TYK2: variants seen among roughly 807,000 people sequenced by gnomAD.
The protein encoded by TYK2 is non-receptor tyrosine-protein kinase TYK2.
Under a neutral mutation model 130.9 loss-of-function variants are expected in TYK2, and 65 were observed. That is an observed-to-expected ratio of 0.50 (90% CI 0.41 to 0.61). TYK2 has a LOEUF of 0.61. Among genes scored for constraint, TYK2 ranks in the 20% least tolerant of loss-of-function variants. TYK2 has a pLI of 0.00. For synonymous variants in TYK2, 647 were observed against 658.9 expected, an observed-to-expected ratio of 0.98 and a Z score of 0.28; for missense variants, 1,378 against 1,610.7, an observed-to-expected ratio of 0.86 and a Z score of 2.47.
At chr19:10,368,547 C>T (rs1405157136) in intron 3 of TYK2, 129 bp from the exon 4 acceptor site, 5 of 1,403,626 alleles carry the variant, frequency 3.6e-6, no homozygotes, top group Non-Finnish European at 4.9e-6. Flanking sequence ...GCTTCAGTCT[C>T]ACGTTGCCCC....
Position 10,368,221 on chromosome 19 carries a change from C to T in TYK2, c.318-19G>A, listed in dbSNP as rs765963885. 2.3e-5 allele frequency: 37 copies of T among 1,614,024 alleles called. No individual in the cohort carries two copies. Among genetic ancestry groups the T allele is most frequent in the Non-Finnish European group, 3.0e-5 (35 of 1,180,032 alleles). On this transcript the variant is annotated intron_variant, in intron 4 of 24. Coordinates refer to ENST00000525621, the MANE Select transcript of TYK2 (RefSeq NM_003331.5). ...ATAAAACCTGCAGGAAGGAGGGACG[C>T]AGCTGGGGCTTAGCACAGAGTCAGA...
Position 10,352,490 on chromosome 19 carries a change from C to T in TYK2, c.3262G>A (p.Gly1088Arg), listed in dbSNP as rs748066182. 6.2e-7 allele frequency: 1 copy of T among 1,606,388 alleles called. No individual in the cohort carries two copies. The highest frequency in any genetic ancestry group is 8.5e-7 in the Non-Finnish European group (1 of 1,175,554). The change falls in exon 23 of 25, where the codon GGG (glycine) becomes AGG (arginine). Residue 1088 changes from glycine to arginine, a missense_variant. By Grantham distance (125) the Gly-to-Arg change is moderately radical (BLOSUM62 -2). Coordinates refer to ENST00000525621, the MANE Select transcript of TYK2 (RefSeq NM_003331.5). ...GTCAGCAGCTCATACAGGGTCACCC[C>T]GAAGGACCAGACATCTGACGCATAG... The part of the protein sequence containing the change: ...FYYASDVWSF[G>R]VTLYELLTHC...
chr19:10,369,373 T>G (rs1237640065), intron 3 of TYK2, among the ~76,000 whole-genome samples: 1 of 151,938 alleles, frequency 6.6e-6, no homozygotes, highest in Non-Finnish European at 1.5e-5. Flanking sequence ...CCTTTTTTTT[T>G]TAAGGGTCAG....
intron 18 of TYK2, among the ~76,000 whole-genome samples, chr19:10,355,781 G>A (rs1475935207): frequency 6.6e-6 from 1 of 150,784 alleles, no homozygotes; most frequent in Non-Finnish European, 1.5e-5. Flanking sequence ...GGCCAACATG[G>A]TGAATTCCCG....
Position 10,356,680 on chromosome 19 carries a change from C to T in TYK2, c.2505G>A (p.Glu835=). Residue 835 remains glutamate, a synonymous_variant, in exon 18 of 25, where the codon GAG becomes GAA. Transcript: ENST00000525621. The stretch of plus-strand genomic sequence containing the variant: ...GTGTGGCCAGCTGTGGGCAGGAGGG[C>T]TCGGGCAGCCGGTGCTGCCTCTGGT... ...HFYQRQHRLP[E]PSCPQLATLT... is the part of the protein sequence containing the mutation. The T allele has an allele frequency of 1.2e-6, 2 of 1,611,400 alleles. No individual in the cohort carries two copies. Among genetic ancestry groups the T allele is most frequent in the East Asian group, 2.2e-5 (1 of 44,826 alleles).
At chr19:10,379,594 G>A (rs980648335) in intron 2 of TYK2, 21 bp downstream of exon 2, 3 of 152,022 alleles carry the variant, frequency 2.0e-5, no homozygotes, top group Admixed American at 1.3e-4. Flanking sequence ...TAACCAGACA[G>A]GCAGATGTGG....
chr19:10,366,538 G>A lies in TYK2; in HGVS notation c.508C>T (p.Leu170=), dbSNP rs1448309363. ...TGGTGGATCTCCTCCTCGGTCGACA[G>A]CTCCCACAGTGATGCCACGTCATTC... ...FVNDVASLWE[L]STEEEIHHFK... The change falls in exon 6 of 25, where the codon CTG becomes TTG. Residue 170 remains leucine, a synonymous_variant. Coordinates refer to ENST00000525621, the MANE Select transcript of TYK2 (RefSeq NM_003331.5). 4.3e-6 allele frequency: 7 copies of A among 1,613,874 alleles called. No homozygotes were observed. Among genetic ancestry groups the A allele is most frequent in the Non-Finnish European group, 5.1e-6 (6 of 1,180,000 alleles).
At chr19:10,354,918 T>G (rs1599330756) in intron 18 of TYK2, among the ~76,000 whole-genome samples, 1 of 148,116 alleles carries the variant, frequency 6.8e-6, no homozygotes, top group Non-Finnish European at 1.5e-5. Context: ...TAGCCAGGTG[T>G]GGTGGTGCAT....
In TYK2 at chr19:10,354,431, C is replaced by T. The variant is rs1319629161; in HGVS notation, c.2715+81G>A. 1.8e-5 allele frequency: 26 copies of T among 1,454,074 alleles called. No individual in the cohort carries two copies. In the South Asian group the frequency reaches 2.3e-4, roughly 13 times the overall value. The allele number at this position is 1,454,074 out of a possible 1,614,324, so 90.1% of individuals were successfully genotyped here. ...TCCCACCCACATCTCCTGAGAATCA[C>T]CTTAGGTAGGAATTTATCCTCAACC... is the stretch of plus-strand genomic sequence containing the variant. On this transcript the variant is annotated intron_variant, in intron 19 of 24. Transcript: ENST00000525621.
chr19:10,358,101 C>T lies in TYK2; in HGVS notation c.2213G>A (p.Arg738Gln), dbSNP rs760784092. ...KNLVHGNVCG[R>Q]NILLARLGLA... ...CCCCAGCCGGGCCAGCAGGATGTTC[C>T]GGCCACACACATTACCATGAACCAG... The change falls in exon 16 of 25, where the codon CGG becomes CAG. Residue 738 changes from arginine to glutamine, a missense_variant. Transcript: ENST00000525621. 18 of 1,611,614 alleles carry T rather than the reference C, an allele frequency of 1.1e-5. No individual in the cohort carries two copies. The highest frequency in any genetic ancestry group is 1.7e-4 in the Middle Eastern group (1 of 6,032).
At chr19:10,363,943 C>T (rs1021560335) in intron 9 of TYK2, among the ~76,000 whole-genome samples, 7 of 152,190 alleles carry the variant, frequency 4.6e-5, no homozygotes, top group African/African-American at 9.7e-5. Flanking sequence ...AGTGACCAGA[C>T]AAAGAGACAG....
Position 10,354,492 on chromosome 19 carries a change from A to G in TYK2, c.2715+20T>C. ...TTCCCGACCAGGCGGGCCTTTTAGC[A>G]GCTCAGGCCCGTCCCTCACCTCGCC... On this transcript the variant is annotated intron_variant, in intron 19 of 24. Transcript: ENST00000525621. 1 of 1,609,104 alleles carries G rather than the reference A, an allele frequency of 6.2e-7. No homozygotes were observed.
intron 3 of TYK2, among the ~76,000 whole-genome samples, chr19:10,377,555 G>A (rs201878070): frequency 1.6e-5 from 2 of 125,244 alleles, no homozygotes; most frequent in Non-Finnish European, 1.7e-5. Flanking sequence ...TGGGTGGGTG[G>A]GTGGATGGAT....
chr19:10,362,513 T>TCCAGCCCCAGCC (rs759012785), intron 10 of TYK2, 36 bp downstream of exon 10: 52 of 1,559,352 alleles, frequency 3.3e-5, no homozygotes, highest in Non-Finnish European at 4.5e-5. Context: ...AGGGAACGTG[T>TCCAGCCCCAGCC]CCAGCCCCAG....
intron 3 of TYK2, among the ~76,000 whole-genome samples, chr19:10,370,840 AAAT>A (rs1284518723): frequency 6.6e-6 from 1 of 151,912 alleles, no homozygotes; most frequent in Non-Finnish European, 1.5e-5. Context: ...AAAATGAAAT[AAAT>A]AATTTTATCT....
chr19:10,355,472 T>C (rs1172948914), intron 18 of TYK2, among the ~76,000 whole-genome samples: 8 of 151,206 alleles, frequency 5.3e-5, no homozygotes, highest in Admixed American at 5.3e-4. Flanking sequence ...AAACCCCGTC[T>C]CTACTAAAAA....
chr19:10,362,056 C>T (rs760601834), intron 12 of TYK2, 22 bp downstream of exon 12: 132 of 1,613,354 alleles, frequency 8.2e-5, no homozygotes, highest in Non-Finnish European at 1.1e-4. Context: ...GCCCTTGCCC[C>T]GGGCCCCTTC....
chr19:10,369,672 C>G, intron 3 of TYK2: 1 of 449,224 alleles, frequency 2.2e-6, no homozygotes, highest in Non-Finnish European at 4.5e-6. Context: ...ACCTCAACCC[C>G]AATCCAGTCT....
In TYK2 at chr19:10,362,437, C is replaced by A; in HGVS notation, c.1496G>T (p.Ser499Ile). The A allele has an allele frequency of 6.2e-7, 1 of 1,605,332 alleles. No homozygotes were observed. ...AATGGGGAACTTTCGGAGCCGCAAG[C>A]TCTGCATGCCGTCTGGTGCCTGGCA... ...QRSQAPDGMQ[S>I]LRLRKFPIEQ... The change falls in exon 11 of 25, where the codon AGC (serine) becomes ATC (isoleucine). Residue 499 changes from serine (S) to isoleucine (I), a missense_variant. Physicochemically the swap from Ser to Ile is moderately radical, Grantham distance 142. Coordinates refer to ENST00000525621, the MANE Select transcript of TYK2 (RefSeq NM_003331.5).
Sources: allele counts gnomAD v4.1 joint callset (sites outside exome capture counted in the v4.1 genomes callset), GRCh38; gene constraint gnomAD v4.1.1; transcripts MANE v1.5; gene names NCBI Gene and HGNC (gene_info 2026-07-23, HGNC 2026-07-21).